Variants in ROPN1L observed in about 807,000 individuals in gnomAD.
ROPN1L encodes the protein ropporin-1-like protein.
Under a neutral mutation model 22.7 loss-of-function variants are expected in ROPN1L, and 23 were observed. The ratio of observed to expected loss-of-function variants is 1.01; its 90% CI spans 0.73 to 1.43. ROPN1L has a LOEUF of 1.43. ROPN1L is among the 40% of genes most tolerant of loss of function. The pLI is 0.00. For missense variants in ROPN1L, 271 were observed against 291.5 expected (o/e 0.93, Z 0.51); for synonymous variants, 116 against 117.8 (o/e 0.98, Z 0.10).
At chr5:10,474,317 C>T (rs1247244478), downstream of ROPN1L, among the ~76,000 whole-genome samples, 1 of 152,138 alleles carries the variant, frequency 6.6e-6, no homozygotes, top group Non-Finnish European at 1.5e-5. Flanking sequence ...TGTGTATAGT[C>T]AGGTACACAG....
chr5:10,460,903 A>G (rs1436436504), intron 3 of ROPN1L, among the ~76,000 whole-genome samples: 1 of 152,262 alleles, frequency 6.6e-6, no homozygotes, highest in Non-Finnish European at 1.5e-5. Flanking sequence ...CAAGACATTG[A>G]TGCTTCCTTT....
At chr5:10,451,239 A>G (rs1741242599) in intron 3 of ROPN1L, among the ~76,000 whole-genome samples, 1 of 152,044 alleles carries the variant, frequency 6.6e-6, no homozygotes, top group South Asian at 2.1e-4. Flanking sequence ...TTCCATTTTC[A>G]TTAAAACAAA....
At chr5:10,446,721 G>A (rs890178579) in intron 1 of ROPN1L, among the ~76,000 whole-genome samples, 4 of 151,922 alleles carry the variant, frequency 2.6e-5, no homozygotes, top group African/African-American at 7.2e-5. Context: ...GGAGGGTGGC[G>A]GGTGGGGGAA....
At chr5:10,444,105 ACT>A (rs1178276789) in intron 1 of ROPN1L, among the ~76,000 whole-genome samples, 1 of 151,864 alleles carries the variant, frequency 6.6e-6, no homozygotes, top group Non-Finnish European at 1.5e-5. Context: ...TTTCTGAAAG[ACT>A]CTTTCAAAGT....
intron 4 of ROPN1L, among the ~76,000 whole-genome samples, chr5:10,462,513 A>G (rs960869525): frequency 6.6e-5 from 10 of 152,202 alleles, no homozygotes; most frequent in Non-Finnish European, 1.5e-4. Context: ...GAGAGAATGT[A>G]TCTTGTCATT....
chr5:10,453,812 C>T (rs1478371997), intron 3 of ROPN1L, among the ~76,000 whole-genome samples: 2 of 152,214 alleles, frequency 1.3e-5, no homozygotes, highest in Admixed American at 1.3e-4. Context: ...CCATTCATTC[C>T]ACAAATGTTT....
At chr5:10,462,741 A>G (rs188629818) in intron 4 of ROPN1L, among the ~76,000 whole-genome samples, 230 of 152,178 alleles carry the variant, frequency 1.5e-3, no homozygotes, top group African/African-American at 5.3e-3. Context: ...TAAAAAAATA[A>G]CCAGGTGTGG....
intron 1 of ROPN1L, among the ~76,000 whole-genome samples, chr5:10,442,787 C>G (rs1006064131): frequency 3.3e-5 from 5 of 152,356 alleles, no homozygotes; most frequent in African/African-American, 1.2e-4. Flanking sequence ...ATACTGAGGT[C>G]ATCATCCCTA....
At chr5:10,455,874 C>CCAGTGCTGGGTCAG (rs1188064628) in intron 3 of ROPN1L, among the ~76,000 whole-genome samples, 7 of 22,428 alleles carry the variant, frequency 3.1e-4, no homozygotes, top group African/African-American at 4.8e-4. Context: ...GTCAGAGGCA[C>CCAGTGCTGGGTCAG]AGCTTCACTG....
rs371287142 is a variant in ROPN1L, at chr5:10,442,289, G to A, written c.122G>A (p.Trp41Ter). The A allele has an allele frequency of 2.2e-5, 35 of 1,613,190 alleles. No homozygotes were observed. In the South Asian group the frequency reaches 3.3e-4, roughly 15 times the overall value. The change falls in exon 1 of 5, where the codon TGG becomes TAG. Residue 41 changes from tryptophan (W) to a stop codon, truncating the protein, a stop_gained. Transcript: ENST00000274134. LOFTEE classifies it high-confidence loss of function. The part of the protein sequence containing the change: ...IRTQPADVLR[W>*]SAGYFSALSR... ...ACCCAGCCGGCCGACGTGCTGCGGT[G>A]GTCCGCGGGGTAAGCGCCCTTGGCC...
rs373424869 is a variant in ROPN1L at position 10,446,170 on chromosome 5, T to C, written c.132-2090T>C. Among the ~76,000 whole-genome samples, 5 of 152,338 alleles carry C rather than the reference T, an allele frequency of 3.3e-5. No individual in the cohort carries two copies. The East Asian group carries it at 7.7e-4, about 24-fold the overall frequency. ...GTAATAGAGGCTGCTTTGGTTGGCG[T>C]GTGCCTCAAGGAACTGGCAGAGGCT... On this transcript the variant is annotated intron_variant, in intron 1 of 4. Transcript: ENST00000274134.
intron 3 of ROPN1L, among the ~76,000 whole-genome samples, chr5:10,451,327 C>CTT (rs1363402680): frequency 1.3e-5 from 2 of 152,222 alleles, no homozygotes; most frequent in Non-Finnish European, 2.9e-5. Flanking sequence ...CACTTCCAAC[C>CTT]ACCTGTGGCC....
downstream of ROPN1L, among the ~76,000 whole-genome samples, chr5:10,465,301 G>T (rs536877203): frequency 1.9e-4 from 29 of 152,144 alleles, no homozygotes; most frequent in East Asian, 5.6e-3. Flanking sequence ...GGATTACGAG[G>T]TCGGGAGATC....
chr5:10,470,571 T>C (rs1302622527), intron 4 of ROPN1L, among the ~76,000 whole-genome samples: 1 of 152,242 alleles, frequency 6.6e-6, no homozygotes, highest in South Asian at 2.1e-4. Flanking sequence ...GTTGGGTTGA[T>C]GTCCACTGTT....
chr5:10,448,173 T>G, intron 1 of ROPN1L, 87 bp from the exon 2 acceptor site: 10 of 1,470,648 alleles, frequency 6.8e-6, no homozygotes, highest in Non-Finnish European at 9.4e-6. Flanking sequence ...CTAATCACCG[T>G]TGTTTTGGGG....
At chr5:10,448,469 C>T in intron 2 of ROPN1L, 86 bp downstream of exon 2, 1 of 1,515,450 alleles carries the variant, frequency 6.6e-7, no homozygotes, top group Non-Finnish European at 9.0e-7. Context: ...GAGCGGGGCA[C>T]ACCCCAGCAA....
chr5:10,479,717 A>C, the ROPN1L span, among the ~76,000 whole-genome samples: 2 of 150,682 alleles, frequency 1.3e-5, no homozygotes, highest in Non-Finnish European at 2.9e-5. Flanking sequence ...AATGCACGGC[A>C]CGGCTTTGCG....
chr5:10,480,028 G>A, the ROPN1L span, among the ~76,000 whole-genome samples: 1 of 152,212 alleles, frequency 6.6e-6, no homozygotes, highest in Non-Finnish European at 1.5e-5. Context: ...ACAGGCATGA[G>A]CCACTGTGCC....
At chr5:10,467,924 C>G (rs1045582187), downstream of ROPN1L, among the ~76,000 whole-genome samples, 3 of 152,252 alleles carry the variant, frequency 2.0e-5, no homozygotes, top group Non-Finnish European at 4.4e-5. Context: ...TTAGCGTGGA[C>G]TCTGGGTCTG....
Sources: gnomAD v4.1 joint callset for allele counts (sites outside exome capture counted in the v4.1 genomes callset) on GRCh38, gnomAD v4.1.1 for gene constraint, MANE v1.5 for transcripts, NCBI Gene and HGNC (gene_info 2026-07-23, HGNC 2026-07-21) for gene names.